SPATA13: variants seen among roughly 807,000 people sequenced by gnomAD.
The protein encoded by SPATA13 is spermatogenesis associated 13.
A neutral mutation model predicts 104.0 loss-of-function variants in SPATA13; 50 were observed. The observed-to-expected ratio is 0.48, with a 90% CI of 0.38 to 0.61. The LOEUF (loss-of-function observed/expected upper bound fraction) is 0.61, where lower values mean the gene tolerates loss of function less well. Among genes scored for constraint, SPATA13 ranks in the 20% least tolerant of loss-of-function variants. The probability of loss-of-function intolerance (pLI) is 0.00; values close to 1 mark genes in which losing one functional copy is unlikely to be tolerated. For missense variants in SPATA13, 1,524 were observed against 1,690.6 expected (o/e 0.90, Z 1.73); for synonymous variants, 606 against 667.5 (o/e 0.91, Z 1.42).
At chr13:24,217,957 G>T (rs1429891063) in intron 1 of SPATA13, among the ~76,000 whole-genome samples, 1 of 152,230 alleles carries the variant, frequency 6.6e-6, no homozygotes, top group African/African-American at 2.4e-5. Context: ...GGGAATTGTG[G>T]TTCCCAAAAC....
chr13:24,124,494 C>G (rs774829156), intron 3 of SPATA13, among the ~76,000 whole-genome samples: 1 of 152,162 alleles, frequency 6.6e-6, no homozygotes, highest in African/African-American at 2.4e-5. Flanking sequence ...CAGACTTTCT[C>G]GAAGGAAGGT....
At chr13:24,279,697 G>A (rs920536382) in intron 4 of SPATA13, among the ~76,000 whole-genome samples, 1 of 152,238 alleles carries the variant, frequency 6.6e-6, no homozygotes, top group Non-Finnish European at 1.5e-5. Context: ...GCTAATGCCT[G>A]CTTTACAGAT....
intron 2 of SPATA13, among the ~76,000 whole-genome samples, chr13:23,991,122 A>C (rs1329126431): frequency 6.6e-6 from 1 of 152,200 alleles, no homozygotes. Flanking sequence ...CCCTGAGTGG[A>C]GAAGGGGCAC....
In SPATA13 at chr13:24,286,815, T is replaced by A. The variant is rs1449174517; in HGVS notation, c.2532T>A (p.Ser844Arg). ...CGGAAAACTCCAGCAGCACCCCCAG[T>A]GAGGAGCAGGACGAGGAGGCCAGCC... The part of the protein sequence containing the change: ...ELSENSSSTP[S>R]EEQDEEASQS... Residue 844 changes from serine to arginine, a missense_variant, in exon 7 of 13, where the codon AGT becomes AGA. Ser to Arg is a moderately radical substitution (Grantham distance 110). This residue lies in a region of SPATA13 where 1,089 missense variants were observed against 1,135.9 expected (regional missense o/e 0.96). Coordinates refer to ENST00000382108, the MANE Select transcript of SPATA13 (RefSeq NM_001166271.3). The surrounding 1 kb of genome is among the most constrained non-coding windows in gnomAD (Gnocchi z 4.9). The A allele has an allele frequency of 6.2e-7, 1 of 1,613,148 alleles. No homozygotes were observed. Among genetic ancestry groups the A allele is most frequent in the African/African-American group, 1.3e-5 (1 of 74,844 alleles).
At chr13:24,020,039 C>T (rs1197132596) in intron 3 of SPATA13, among the ~76,000 whole-genome samples, 2 of 152,110 alleles carry the variant, frequency 1.3e-5, no homozygotes, top group East Asian at 1.9e-4. Context: ...GTGTGAGGTG[C>T]GGACTCCAGC....
At chr13:24,232,051 A>C (rs892976519) in intron 2 of SPATA13, among the ~76,000 whole-genome samples, 1 of 152,234 alleles carries the variant, frequency 6.6e-6, no homozygotes, top group African/African-American at 2.4e-5. Flanking sequence ...CCAGAGGACG[A>C]GAACCAATAG....
At chr13:24,008,292 T>C (rs1876319364) in intron 2 of SPATA13, among the ~76,000 whole-genome samples, 1 of 152,254 alleles carries the variant, frequency 6.6e-6, no homozygotes, top group Admixed American at 6.5e-5. Flanking sequence ...GGTTGTGGGC[T>C]GAGGGGCTCT....
intron 10 of SPATA13, among the ~76,000 whole-genome samples, chr13:24,295,975 C>T (rs924657498): frequency 6.6e-6 from 1 of 152,142 alleles, no homozygotes; most frequent in African/African-American, 2.4e-5. Flanking sequence ...GATCACTGTG[C>T]TCTACCGCCA....
At chr13:24,013,999 C>A (rs1876596719) in intron 2 of SPATA13, among the ~76,000 whole-genome samples, 3 of 152,142 alleles carry the variant, frequency 2.0e-5, no homozygotes, top group African/African-American at 4.8e-5. Flanking sequence ...GTCAGAGCCT[C>A]CAAACCCGTC....
chr13:24,286,726 C>T lies in SPATA13; in HGVS notation c.2482-39C>T. On this transcript the variant is annotated intron_variant, in intron 6 of 12. Transcript: ENST00000382108. The surrounding 1 kb of genome is among the most constrained non-coding windows in gnomAD (Gnocchi z 4.9). ...CTGCCTCTGCTCCATGCTGCCCTCC[C>T]CTGCCCCAAGTCACCTGTCCCCTGT... 3 of 1,596,472 alleles carry T rather than the reference C, an allele frequency of 1.9e-6. No homozygotes were observed. The highest frequency in any genetic ancestry group is 2.6e-6 in the Non-Finnish European group (3 of 1,169,254).
chr13:24,156,701 G>A (rs111894474), upstream of SPATA13, among the ~76,000 whole-genome samples: 443 of 152,308 alleles, frequency 2.9e-3, 3 homozygotes, highest in Non-Finnish European at 4.6e-3. Flanking sequence ...CAGTTATTGA[G>A]CATTTGACCA....
At chr13:24,152,255 G>T (rs967466832) in intron 3 of SPATA13, among the ~76,000 whole-genome samples, 9 of 152,212 alleles carry the variant, frequency 5.9e-5, no homozygotes, top group Non-Finnish European at 1.5e-5. Flanking sequence ...TGTGGGAGGG[G>T]CACGGGGACT....
At chr13:24,122,593 A>G in intron 3 of SPATA13, 1 of 1,512,806 alleles carries the variant, frequency 6.6e-7, no homozygotes, top group Non-Finnish European at 9.2e-7. Flanking sequence ...GTTGCATGAC[A>G]CTCTGCATCT....
At chr13:23,993,141 G>A in intron 2 of SPATA13, among the ~76,000 whole-genome samples, 1 of 147,208 alleles carries the variant, frequency 6.8e-6, no homozygotes, top group East Asian at 2.0e-4. Context: ...TGAACCTGCT[G>A]TGGCGAAGGT....
At chr13:24,118,260 T>G (rs541981512) in intron 3 of SPATA13, among the ~76,000 whole-genome samples, 1 of 152,280 alleles carries the variant, frequency 6.6e-6, no homozygotes, top group African/African-American at 2.4e-5. Context: ...CATGGTCTCT[T>G]TTTACCAACA....
chr13:24,014,762 G>A (rs1208069321), intron 2 of SPATA13, among the ~76,000 whole-genome samples: 1 of 151,784 alleles, frequency 6.6e-6, no homozygotes, highest in Non-Finnish European at 1.5e-5. Flanking sequence ...TTTCAATTGT[G>A]AATTAAGGGT....
At chr13:24,064,307 C>T (rs746309336) in intron 3 of SPATA13, among the ~76,000 whole-genome samples, 8 of 152,214 alleles carry the variant, frequency 5.3e-5, no homozygotes, top group Non-Finnish European at 1.0e-4. Flanking sequence ...AGACCACATT[C>T]AGATTACATT....
At chr13:24,279,361 T>C (rs1484031695) in intron 4 of SPATA13, among the ~76,000 whole-genome samples, 1 of 152,002 alleles carries the variant, frequency 6.6e-6, no homozygotes, top group Non-Finnish European at 1.5e-5. Context: ...CTCAAGAACT[T>C]TGGCTGTCTC....
At chr13:24,040,105 G>C (rs145866902) in intron 3 of SPATA13, among the ~76,000 whole-genome samples, 2 of 152,184 alleles carry the variant, frequency 1.3e-5, no homozygotes, top group African/African-American at 4.8e-5. Context: ...TCCACTAAAG[G>C]CCATTCAGCA....
Sources: gnomAD v4.1 joint callset for allele counts (sites outside exome capture counted in the v4.1 genomes callset) on GRCh38, gnomAD v4.1.1 for gene constraint, gnomAD v4.1.1 regional missense constraint, Gnocchi (gnomAD v3.1) non-coding constraint, MANE v1.5 for transcripts, NCBI Gene and HGNC (gene_info 2026-07-23, HGNC 2026-07-21) for gene names.